KHDRBS3: variants seen among roughly 807,000 people sequenced by gnomAD.
The protein encoded by KHDRBS3 is KH domain-containing, RNA-binding, signal transduction-associated protein 3.
A neutral mutation model predicts 45.6 loss-of-function variants in KHDRBS3; 23 were observed. The observed-to-expected ratio is 0.50, with a 90% confidence interval of 0.36 to 0.72. The LOEUF (loss-of-function observed/expected upper bound fraction) is 0.72, where lower values mean the gene tolerates loss of function less well. Among genes scored for constraint, KHDRBS3 ranks in the 30% least tolerant of loss-of-function variants. The pLI is 0.00. For missense variants in KHDRBS3, 352 were observed against 424.8 expected (o/e 0.83, Z 1.51); for synonymous variants, 162 against 156.5 (o/e 1.04, Z -0.26).
chr8:135,525,816 G>C (rs1825153730), intron 2 of KHDRBS3, among the ~76,000 whole-genome samples: 1 of 152,126 alleles, frequency 6.6e-6, no homozygotes, highest in Admixed American at 6.6e-5. Flanking sequence ...CTGTCTTTAA[G>C]TAGTTCATAG....
At chr8:135,486,114 T>C (rs1822850879) in intron 1 of KHDRBS3, among the ~76,000 whole-genome samples, 1 of 151,900 alleles carries the variant, frequency 6.6e-6, no homozygotes, top group Non-Finnish European at 1.5e-5. Flanking sequence ...ATCCTCTTCA[T>C]GTGGTCTAAT....
chr8:135,570,381 C>T (rs774352944), intron 5 of KHDRBS3, among the ~76,000 whole-genome samples: 10 of 152,062 alleles, frequency 6.6e-5, no homozygotes, highest in Non-Finnish European at 1.2e-4. Flanking sequence ...TACTTTCCTT[C>T]TATAGTGTAT....
intron 7 of KHDRBS3, chr8:135,625,663 A>G: frequency 1.2e-6 from 1 of 826,522 alleles, no homozygotes; most frequent in Non-Finnish European, 2.1e-6. Context: ...CACTGAACGA[A>G]TTCAAAATTT....
intron 6 of KHDRBS3, among the ~76,000 whole-genome samples, chr8:135,592,940 T>G (rs945686733): frequency 6.6e-6 from 1 of 152,154 alleles, no homozygotes; most frequent in Non-Finnish European, 1.5e-5. Flanking sequence ...GTCTCACTCC[T>G]GTAATCCCAG....
At chr8:135,632,272 C>G (rs979166986) in intron 7 of KHDRBS3, among the ~76,000 whole-genome samples, 13 of 152,216 alleles carry the variant, frequency 8.5e-5, no homozygotes, top group Admixed American at 3.9e-4. Context: ...GTCGTTCCTT[C>G]TGAAGAGCCT....
At chr8:135,522,276 A>T (rs1456215037) in intron 2 of KHDRBS3, among the ~76,000 whole-genome samples, 1 of 152,176 alleles carries the variant, frequency 6.6e-6, no homozygotes, top group Non-Finnish European at 1.5e-5. Flanking sequence ...AAAGGACATG[A>T]TCTCATTCCT....
At chr8:135,466,184 G>A (rs187055701) in intron 1 of KHDRBS3, among the ~76,000 whole-genome samples, 14 of 152,236 alleles carry the variant, frequency 9.2e-5, no homozygotes, top group Non-Finnish European at 1.5e-4. Context: ...CTCTTAAGAG[G>A]CATACTTGCT....
intron 5 of KHDRBS3, among the ~76,000 whole-genome samples, chr8:135,574,181 T>G (rs1355560845): frequency 9.9e-6 from 1 of 101,148 alleles, no homozygotes; most frequent in African/African-American, 3.1e-5. Context: ...GCACGTCACC[T>G]CCATCATGTT....
At chr8:135,646,404 C>A (rs1346003385) in intron 8 of KHDRBS3, among the ~76,000 whole-genome samples, 1 of 152,110 alleles carries the variant, frequency 6.6e-6, no homozygotes, top group South Asian at 2.1e-4. Context: ...TCGTTAAATT[C>A]ATTTCATATT....
At chr8:135,465,995 TCTTTCTCTG>T (rs1821676932) in intron 1 of KHDRBS3, among the ~76,000 whole-genome samples, 1 of 152,210 alleles carries the variant, frequency 6.6e-6, no homozygotes, top group Non-Finnish European at 1.5e-5. Flanking sequence ...TTTTCCTTGT[TCTTTCTCTG>T]CTTCAATGTT....
At chr8:135,597,937 A>G (rs956681325) in intron 6 of KHDRBS3, among the ~76,000 whole-genome samples, 1 of 151,744 alleles carries the variant, frequency 6.6e-6, no homozygotes, top group African/African-American at 2.4e-5. Flanking sequence ...TTTTTCTTTC[A>G]GTGTATTTTT....
At chr8:135,607,729 A>C (rs1829528364) in intron 7 of KHDRBS3, among the ~76,000 whole-genome samples, 1 of 152,216 alleles carries the variant, frequency 6.6e-6, no homozygotes, top group South Asian at 2.1e-4. Flanking sequence ...TATACACATA[A>C]AACAAAATAT....
chr8:135,596,542 C>G (rs1828981837), intron 6 of KHDRBS3, among the ~76,000 whole-genome samples: 1 of 151,942 alleles, frequency 6.6e-6, no homozygotes, highest in African/African-American at 2.4e-5. Flanking sequence ...CAACATAGTC[C>G]TGAAATTATT....
chr8:135,561,499 T>G (rs909018109), intron 5 of KHDRBS3, among the ~76,000 whole-genome samples: 16 of 151,816 alleles, frequency 1.1e-4, no homozygotes, highest in Non-Finnish European at 1.8e-4. Flanking sequence ...TCCTCTCTGC[T>G]TGGTCCTTCC....
chr8:135,644,942 T>C (rs1831219353), intron 7 of KHDRBS3, 117 bp from the exon 8 acceptor site: 1 of 1,067,188 alleles, frequency 9.4e-7, no homozygotes, highest in Non-Finnish European at 1.4e-6. Flanking sequence ...GGAATTTCTT[T>C]GAATTTTCAG....
intron 7 of KHDRBS3, among the ~76,000 whole-genome samples, chr8:135,615,055 C>A (rs1829861368): frequency 6.6e-6 from 1 of 151,772 alleles, no homozygotes; most frequent in Non-Finnish European, 1.5e-5. Context: ...GGTCAGACAT[C>A]CCCTCCCCTG....
At chr8:135,567,882 T>A (rs1316396055) in intron 5 of KHDRBS3, among the ~76,000 whole-genome samples, 2 of 152,242 alleles carry the variant, frequency 1.3e-5, no homozygotes, top group Non-Finnish European at 2.9e-5. Flanking sequence ...AATTTCTTTC[T>A]TTGCCCCTGA....
At chr8:135,544,104 G>A (rs954926134) in intron 3 of KHDRBS3, among the ~76,000 whole-genome samples, 1 of 152,154 alleles carries the variant, frequency 6.6e-6, no homozygotes, top group African/African-American at 2.4e-5. Context: ...TTGCAGGAAA[G>A]TACTCTACCC....
chr8:135,498,839 A>G (rs1299265578), intron 1 of KHDRBS3, among the ~76,000 whole-genome samples: 1 of 152,182 alleles, frequency 6.6e-6, no homozygotes, highest in African/African-American at 2.4e-5. Context: ...CATGCGCACA[A>G]TCAGGTGTGG....
Sources: allele counts gnomAD v4.1 joint callset (sites outside exome capture counted in the v4.1 genomes callset), GRCh38; gene constraint gnomAD v4.1.1; transcripts MANE v1.5; gene names NCBI Gene and HGNC (gene_info 2026-07-23, HGNC 2026-07-21).